The following AKAP9 variants were observed in gnomAD, a reference collection of about 807,000 sequenced individuals.
The protein encoded by AKAP9 is A-kinase anchor protein 9.
In AKAP9, 311 loss-of-function variants were observed where a neutral mutation model predicts 488.5. That is an observed-to-expected ratio of 0.64 (90% CI 0.58 to 0.70). AKAP9 has a LOEUF of 0.70. Among genes scored for constraint, AKAP9 ranks in the 30% least tolerant of loss-of-function variants. The pLI is 0.00. For missense variants in AKAP9, 4,215 were observed against 4,374.5 expected (o/e 0.96, Z 1.03); for synonymous variants, 1,462 against 1,483.5 (o/e 0.99, Z 0.33).
At chr7:92,014,527 A>T (rs947947311) in intron 10 of AKAP9, among the ~76,000 whole-genome samples, 199 bp downstream of exon 10, 1 of 152,134 alleles carries the variant, frequency 6.6e-6, no homozygotes, top group Non-Finnish European at 1.5e-5. Flanking sequence ...TACTTGGGAG[A>T]CTGAGGCATT....
chr7:92,108,912 TGAGCACCA>T, intron 49 of AKAP9: 1 of 491,482 alleles, frequency 2.0e-6, no homozygotes, highest in South Asian at 2.0e-5. Context: ...AAATGCACAA[TGAGCACCA>T]GTGTGCAAGG....
chr7:92,074,769 A>G (rs543244761), intron 28 of AKAP9, among the ~76,000 whole-genome samples: 25 of 152,328 alleles, frequency 1.6e-4, no homozygotes, highest in African/African-American at 5.1e-4. Flanking sequence ...AGGATAGAAA[A>G]CCAAACACCA....
rs537099180 is a variant in AKAP9, at chr7:92,002,415, A to G, written c.2498A>G (p.Lys833Arg). Residue 833 changes from lysine (K) to arginine (R), a missense_variant, in exon 8 of 50, where the codon AAA (lysine) becomes AGA (arginine). Lys to Arg is a conservative substitution (Grantham distance 26, BLOSUM62 2). Around this residue, in one of 5 missense-constraint regions of AKAP9, gnomAD observed 2,361 missense variants for 2,430.0 expected, o/e 0.97. Coordinates refer to ENST00000356239, the MANE Select transcript of AKAP9 (RefSeq NM_005751.5). ...CTTATAGAGGAAAATGAGGACCTCA[A>G]ACAACAATGTATTCAGCTAAATGAA... The part of the protein sequence containing the change: ...EILIEENEDL[K>R]QQCIQLNEEI... 9 of 1,610,106 alleles carry G rather than the reference A, an allele frequency of 5.6e-6. No homozygotes were observed. The highest frequency in any genetic ancestry group is 2.2e-5 in the South Asian group (2 of 89,742).
Position 92,042,932 on chromosome 7 carries a change from G to A in AKAP9, c.5162+161G>A. ...TGTCCATGTATGTGTAGTATGTAAAGGATTTTCAGTTTTTCATCATTAAAT... is the reference window on the plus strand; with the variant it reads ...TGTCCATGTATGTGTAGTATGTAAAAGATTTTCAGTTTTTCATCATTAAAT... On this transcript the variant is annotated intron_variant, in intron 20 of 49. Transcript: ENST00000356239. 3 of 484,044 alleles carry A rather than the reference G, an allele frequency of 6.2e-6. 1 individual carries two copies. The South Asian group carries it at 7.7e-5, about 12-fold the overall frequency. 30.0% of individuals were successfully genotyped at this position (484,044 alleles called of 1,614,324 possible).
intron 8 of AKAP9, among the ~76,000 whole-genome samples, chr7:92,010,601 A>G (rs986584294): frequency 3.3e-5 from 5 of 152,226 alleles, no homozygotes; most frequent in Admixed American, 3.3e-4. Flanking sequence ...TCAAGCAGTT[A>G]TTCCACATTG....
At chr7:91,954,166 T>C (rs1394417141) in intron 1 of AKAP9, among the ~76,000 whole-genome samples, 1 of 152,194 alleles carries the variant, frequency 6.6e-6, no homozygotes, top group African/African-American at 2.4e-5. Context: ...CACAATATGT[T>C]ATACTCCTCT....
At chr7:92,107,082 C>G (rs186708648) in intron 47 of AKAP9, among the ~76,000 whole-genome samples, 4 of 152,244 alleles carry the variant, frequency 2.6e-5, no homozygotes, top group Non-Finnish European at 4.4e-5. Context: ...ATCAGAAATA[C>G]TCATATTCAA....
chr7:91,951,587 T>C (rs1157597201), intron 1 of AKAP9, among the ~76,000 whole-genome samples: 1 of 152,176 alleles, frequency 6.6e-6, no homozygotes, highest in Non-Finnish European at 1.5e-5. Context: ...GGCCTCCCAG[T>C]GTGCTGGGAT....
chr7:92,059,264 G>A (rs1809324703), intron 22 of AKAP9, among the ~76,000 whole-genome samples: 2 of 151,800 alleles, frequency 1.3e-5, no homozygotes, highest in East Asian at 1.9e-4. Flanking sequence ...TCTTCATATT[G>A]TTATAGATAT....
At chr7:92,098,352 AT>A (rs1251413303) in intron 43 of AKAP9, 138 bp downstream of exon 43, 9 of 577,326 alleles carry the variant, frequency 1.6e-5, no homozygotes, top group Non-Finnish European at 2.7e-5. Context: ...TTAAATATGA[AT>A]AATAATGCTT....
chr7:91,982,403 C>A (rs1796547889), intron 3 of AKAP9, among the ~76,000 whole-genome samples: 2 of 151,946 alleles, frequency 1.3e-5, no homozygotes, highest in Non-Finnish European at 1.5e-5. Context: ...CAAGTGTTCT[C>A]AATGTTCAAT....
chr7:91,946,584 G>C (rs1182599604), intron 1 of AKAP9, among the ~76,000 whole-genome samples: 3 of 152,048 alleles, frequency 2.0e-5, no homozygotes, highest in Non-Finnish European at 4.4e-5. Flanking sequence ...ATGTTGCCCA[G>C]GCTGGTCTTG....
intron 1 of AKAP9, among the ~76,000 whole-genome samples, chr7:91,962,344 TG>T (rs1257890575): frequency 6.6e-6 from 1 of 152,204 alleles, no homozygotes; most frequent in Non-Finnish European, 1.5e-5. Context: ...TTTTGCTTTT[TG>T]TCTTTTGGTG....
intron 2 of AKAP9, among the ~76,000 whole-genome samples, chr7:91,978,194 A>G (rs966832090): frequency 6.7e-6 from 1 of 150,126 alleles, no homozygotes; most frequent in African/African-American, 2.5e-5. Context: ...GTGAGCCAAG[A>G]TGATGCCGCT....
chr7:92,016,329 A>C, intron 11 of AKAP9, 62 bp downstream of exon 11: 2 of 1,223,614 alleles, frequency 1.6e-6, no homozygotes, highest in Non-Finnish European at 2.3e-6. Flanking sequence ...TTGATGACAG[A>C]TTTTTACTTT....
chr7:91,990,536 T>G, intron 3 of AKAP9, among the ~76,000 whole-genome samples: 1 of 152,302 alleles, frequency 6.6e-6, no homozygotes, highest in South Asian at 2.1e-4. Context: ...GAAACAGTCA[T>G]GTATTAATGG....
At chr7:91,961,399 A>C (rs1004872637) in intron 1 of AKAP9, among the ~76,000 whole-genome samples, 1 of 151,446 alleles carries the variant, frequency 6.6e-6, no homozygotes, top group Non-Finnish European at 1.5e-5. Context: ...GCTGGTCTCT[A>C]TCTCCTGACC....
intron 43 of AKAP9, 57 bp from the exon 44 acceptor site, chr7:92,099,630 A>G (rs907817558): frequency 1.3e-6 from 2 of 1,534,120 alleles, no homozygotes; most frequent in African/African-American, 1.4e-5. Flanking sequence ...CACACTTTAT[A>G]TGCATTATTC....
At chr7:92,094,187 G>C (rs568461066) in intron 39 of AKAP9, among the ~76,000 whole-genome samples, 16 of 151,902 alleles carry the variant, frequency 1.1e-4, no homozygotes, top group African/African-American at 3.9e-4. Context: ...ACAATAAATT[G>C]CATAGTTGTT....
Sources: gnomAD v4.1 joint callset for allele counts (sites outside exome capture counted in the v4.1 genomes callset) on GRCh38, gnomAD v4.1.1 for gene constraint, gnomAD v4.1.1 regional missense constraint, MANE v1.5 for transcripts, NCBI Gene and HGNC (gene_info 2026-07-23, HGNC 2026-07-21) for gene names.